The following SPTLC3 variants were observed in gnomAD, a reference collection of about 807,000 sequenced individuals.
The protein encoded by SPTLC3 is serine palmitoyltransferase 3.
SPTLC3 carries 36 observed loss-of-function variants against 59.3 expected under a neutral mutation model. The observed-to-expected ratio is 0.61, with a 90% CI of 0.47 to 0.80. The LOEUF is 0.80. Among genes scored for constraint, SPTLC3 ranks in the 30% least tolerant of loss-of-function variants. The pLI is 0.00. For missense variants in SPTLC3, 625 were observed against 685.1 expected (o/e 0.91, Z 0.98); for synonymous variants, 257 against 240.8 (o/e 1.07, Z -0.62).
At chr20:13,107,295 G>GA (rs913401877) in intron 6 of SPTLC3, among the ~76,000 whole-genome samples, 20 of 151,130 alleles carry the variant, frequency 1.3e-4, no homozygotes, top group South Asian at 8.3e-4. Flanking sequence ...TGAGAAAATA[G>GA]AAAAAAAAGT....
chr20:13,138,161 C>T (rs773886951), intron 9 of SPTLC3, among the ~76,000 whole-genome samples: 2 of 152,168 alleles, frequency 1.3e-5, no homozygotes, highest in Non-Finnish European at 2.9e-5. Context: ...AATTTTCTTT[C>T]TGGGTTGATA....
intron 6 of SPTLC3, among the ~76,000 whole-genome samples, chr20:13,103,608 C>T (rs987799587): frequency 2.6e-5 from 4 of 152,106 alleles, no homozygotes; most frequent in African/African-American, 9.7e-5. Flanking sequence ...TTTGTGGGGT[C>T]ATGGATGACA....
At chr20:13,069,810 T>A (rs1036558077) in intron 2 of SPTLC3, among the ~76,000 whole-genome samples, 6 of 152,180 alleles carry the variant, frequency 3.9e-5, no homozygotes, top group Non-Finnish European at 8.8e-5. Flanking sequence ...TCTTGTCTCC[T>A]CTCCAAAACC....
chr20:13,140,676 T>A lies in SPTLC3; in HGVS notation c.1280-13327T>A, dbSNP rs539788420. 2.0e-5 allele frequency among the ~76,000 whole-genome samples: 3 copies of A among 152,332 alleles called. No individual in the cohort carries two copies. In the East Asian group the frequency reaches 5.8e-4, roughly 29 times the overall value. ...AACAGCTCTAAAGCTTAAATTTCTA[T>A]TTTTTATTCAGTTATTAGGAGAAAA... On this transcript the variant is annotated intron_variant, in intron 9 of 11. Coordinates refer to ENST00000399002, the MANE Select transcript of SPTLC3 (RefSeq NM_018327.4).
chr20:13,042,321 C>A (rs1034361479), intron 1 of SPTLC3, among the ~76,000 whole-genome samples: 3 of 152,132 alleles, frequency 2.0e-5, no homozygotes, highest in Admixed American at 2.0e-4. Flanking sequence ...TGCTCTGGAG[C>A]TCTCTCTCCC....
chr20:13,105,196 A>C (rs1471753670), intron 6 of SPTLC3, among the ~76,000 whole-genome samples: 2 of 152,062 alleles, frequency 1.3e-5, no homozygotes, highest in Non-Finnish European at 1.5e-5. Context: ...ATCCAGGCCG[A>C]GCGCAGTCTT....
intron 7 of SPTLC3, among the ~76,000 whole-genome samples, chr20:13,112,924 T>A (rs138019156): frequency 6.6e-6 from 1 of 152,350 alleles, no homozygotes; most frequent in East Asian, 1.9e-4. Context: ...GGCTCATGCC[T>A]GTAATCCTAT....
intron 2 of SPTLC3, among the ~76,000 whole-genome samples, chr20:13,058,860 A>G (rs1318949006): frequency 6.6e-6 from 1 of 152,168 alleles, no homozygotes; most frequent in African/African-American, 2.4e-5. Context: ...ATCACACGAC[A>G]CCCAATAAGT....
chr20:13,133,664 G>A (rs2038177810), intron 9 of SPTLC3, among the ~76,000 whole-genome samples: 1 of 152,176 alleles, frequency 6.6e-6, no homozygotes, highest in African/African-American at 2.4e-5. Context: ...AGCCCAGGAG[G>A]CGGAGGCTGC....
chr20:13,109,774 C>T (rs1286575920), intron 6 of SPTLC3, among the ~76,000 whole-genome samples: 1 of 152,196 alleles, frequency 6.6e-6, no homozygotes, highest in Non-Finnish European at 1.5e-5. Context: ...GAGTTCATTT[C>T]AGCCTGCAAC....
At chr20:13,059,956 T>C in intron 2 of SPTLC3, among the ~76,000 whole-genome samples, 1 of 152,250 alleles carries the variant, frequency 6.6e-6, no homozygotes, top group East Asian at 1.9e-4. Flanking sequence ...TGCCTGCCTA[T>C]CACTCTGTTA....
At chr20:13,048,157 C>CAGGA (rs1987312545) in intron 1 of SPTLC3, among the ~76,000 whole-genome samples, 1 of 152,066 alleles carries the variant, frequency 6.6e-6, no homozygotes, top group African/African-American at 2.4e-5. Flanking sequence ...GCACCCAATA[C>CAGGA]AGGAGCACCC....
In SPTLC3 at chr20:13,164,943, G is replaced by T; in HGVS notation, c.*76G>T. ...CCTTGCCTCACAAGGAATATAAATG[G>T]ATTTCTCCCCCTTCCTCAGGACAAT... is the stretch of plus-strand genomic sequence containing the variant. On this transcript the variant is annotated 3_prime_UTR_variant, in exon 12 of 12. Transcript: ENST00000399002. 8.0e-7 allele frequency: 1 copy of T among 1,254,556 alleles called. No individual in the cohort carries two copies. Among genetic ancestry groups the T allele is most frequent in the Non-Finnish European group, 1.1e-6 (1 of 899,292 alleles). The allele number at this position is 1,254,556 out of a possible 1,614,324, so 77.7% of individuals were successfully genotyped here.
At chr20:13,085,915 A>G (rs1186642459) in intron 4 of SPTLC3, among the ~76,000 whole-genome samples, 1 of 152,198 alleles carries the variant, frequency 6.6e-6, no homozygotes, top group African/African-American at 2.4e-5. Context: ...GGTTTTGAGC[A>G]TAACACTGAA....
intron 8 of SPTLC3, among the ~76,000 whole-genome samples, chr20:13,119,352 C>T (rs781094012): frequency 3.3e-5 from 5 of 152,180 alleles, no homozygotes; most frequent in Non-Finnish European, 7.4e-5. Context: ...AACAAAGGCT[C>T]GCGACTAGCA....
intron 7 of SPTLC3, among the ~76,000 whole-genome samples, chr20:13,114,019 G>C (rs1430229902): frequency 6.6e-6 from 1 of 152,250 alleles, no homozygotes; most frequent in Non-Finnish European, 1.5e-5. Flanking sequence ...CCCCAGGACA[G>C]ATAACCGAGA....
At chr20:13,126,527 T>C (rs112236107) in intron 8 of SPTLC3, 64 bp from the exon 9 acceptor site, 13 of 1,587,260 alleles carry the variant, frequency 8.2e-6, no homozygotes, top group Admixed American at 3.4e-5. Context: ...GGACTAGATG[T>C]AATTCCCACC....
intron 6 of SPTLC3, among the ~76,000 whole-genome samples, chr20:13,100,792 C>G (rs1989573719): frequency 1.3e-5 from 2 of 152,166 alleles, no homozygotes; most frequent in African/African-American, 4.8e-5. Flanking sequence ...AAAGAGAAAA[C>G]TAATCCTCAA....
intron 6 of SPTLC3, among the ~76,000 whole-genome samples, chr20:13,102,502 T>A (rs949252204): frequency 6.6e-6 from 1 of 152,188 alleles, no homozygotes; most frequent in African/African-American, 2.4e-5. Flanking sequence ...TCTCCGTTTT[T>A]AAGCATGACA....
Sources: allele counts gnomAD v4.1 joint callset (sites outside exome capture counted in the v4.1 genomes callset), GRCh38; gene constraint gnomAD v4.1.1; transcripts MANE v1.5; gene names NCBI Gene and HGNC (gene_info 2026-07-23, HGNC 2026-07-21).